VWA3B: variants seen among roughly 807,000 people sequenced by gnomAD.
The protein encoded by VWA3B is von Willebrand factor A domain-containing protein 3B.
A neutral mutation model predicts 158.3 loss-of-function variants in VWA3B; 138 were observed. The ratio of observed to expected loss-of-function variants is 0.87; its 90% CI spans 0.76 to 1.00. The LOEUF (loss-of-function observed/expected upper bound fraction) is 1.00. Ranked by LOEUF, VWA3B falls within the 50% of genes least tolerant of loss-of-function variation. The pLI, the probability that VWA3B is intolerant of heterozygous loss-of-function variation, is 0.00. For synonymous variants in VWA3B, 596 were observed against 587.3 expected, an observed-to-expected ratio of 1.01 and a Z score of -0.21; for missense variants, 1,555 against 1,565.1, an observed-to-expected ratio of 0.99 and a Z score of 0.11.
chr2:98,290,210 C>T (rs1689403765), intron 22 of VWA3B, among the ~76,000 whole-genome samples: 1 of 152,158 alleles, frequency 6.6e-6, no homozygotes, highest in African/African-American at 2.4e-5. Flanking sequence ...GGGAAGCAAG[C>T]ACATATTCAC....
chr2:98,328,096 C>T, the VWA3B span, among the ~76,000 whole-genome samples: 1 of 152,120 alleles, frequency 6.6e-6, no homozygotes. Flanking sequence ...TACAAGGGAC[C>T]TCACCTCTCA....
chr2:98,236,668 C>T lies in VWA3B; in HGVS notation c.2611C>T (p.Pro871Ser). The stretch of plus-strand genomic sequence containing the variant: ...GGATGCCTTGTCAGTGGCAGCAGTC[C>T]CGCACAGCTCCACCTATGTTCCCGT... Reference protein sequence around the residue: ...LMDALSVAAVPHSSTYVPVLD... With the variant: ...LMDALSVAAVSHSSTYVPVLD... The change falls in exon 19 of 28, where the codon CCG becomes TCG. Residue 871 changes from proline (P) to serine (S), a missense_variant. Coordinates refer to ENST00000477737, the MANE Select transcript of VWA3B (RefSeq NM_144992.5). 4 of 1,614,188 alleles carry T rather than the reference C, an allele frequency of 2.5e-6. No individual in the cohort carries two copies. The highest frequency in any genetic ancestry group is 2.5e-6 in the Non-Finnish European group (3 of 1,180,032).
At chr2:98,250,517 CTTT>C (rs370926569) in intron 20 of VWA3B, 81 bp downstream of exon 20, 1,089 of 872,762 alleles carry the variant, frequency 1.2e-3, no homozygotes, top group South Asian at 1.8e-3. Flanking sequence ...TTTAGCTTAG[CTTT>C]TTTTTTTTTT....
At chr2:98,199,517 C>T (rs558628722) in intron 12 of VWA3B, among the ~76,000 whole-genome samples, 18 of 152,248 alleles carry the variant, frequency 1.2e-4, no homozygotes, top group Admixed American at 6.5e-4. Flanking sequence ...CCCCAATTTC[C>T]GCAGGGTGAA....
chr2:98,118,969 G>A (rs1674740357), intron 3 of VWA3B, among the ~76,000 whole-genome samples: 1 of 152,214 alleles, frequency 6.6e-6, no homozygotes. Context: ...GGTAGCAGCA[G>A]TGAGTGATCA....
chr2:98,324,203 C>G, the VWA3B span, among the ~76,000 whole-genome samples: 1 of 151,820 alleles, frequency 6.6e-6, no homozygotes, highest in African/African-American at 2.4e-5. Flanking sequence ...TGCTCTGTCA[C>G]GTAGGTTGGA....
intron 14 of VWA3B, among the ~76,000 whole-genome samples, chr2:98,225,029 G>A (rs935821769): frequency 6.6e-5 from 10 of 152,160 alleles, no homozygotes; most frequent in Non-Finnish European, 1.3e-4. Context: ...CACCTCTATG[G>A]TTCAAGCAAT....
chr2:98,320,126 T>A, the VWA3B span, among the ~76,000 whole-genome samples: 4 of 152,130 alleles, frequency 2.6e-5, no homozygotes, highest in Admixed American at 2.6e-4. Context: ...GGCTGGTCTT[T>A]CCCATGCTAT....
intron 15 of VWA3B, chr2:98,228,793 GC>G (rs1225316380): frequency 2.0e-5 from 3 of 152,548 alleles, no homozygotes; most frequent in African/African-American, 4.8e-5. Context: ...TCTCCTGTCT[GC>G]CCCCATCCTA....
intron 8 of VWA3B, among the ~76,000 whole-genome samples, chr2:98,177,991 G>A (rs1680153364): frequency 1.3e-5 from 2 of 152,040 alleles, no homozygotes; most frequent in South Asian, 4.2e-4. Flanking sequence ...AAAAGGGAGA[G>A]GAGAAAAGGA....
chr2:98,119,656 G>C lies in VWA3B; in HGVS notation c.435G>C (p.Val145=), dbSNP rs1408296673. The C allele has an allele frequency of 5.0e-6, 8 of 1,614,014 alleles. No individual in the cohort carries two copies. Among genetic ancestry groups the C allele is most frequent in the Non-Finnish European group, 6.8e-6 (8 of 1,180,044 alleles). ...GVILEQCVTI[V]LDFGGILEGE... Reference sequence around the variant, plus strand: ...TCTTGGAACAGTGCGTCACCATAGTGCTGGATTTTGGCGGCATTCTGGAGG... The same window carrying C: ...TCTTGGAACAGTGCGTCACCATAGTCCTGGATTTTGGCGGCATTCTGGAGG... The change falls in exon 4 of 28, where the codon GTG becomes GTC. Residue 145 remains valine (V), a synonymous_variant. Transcript: ENST00000477737.
intron 1 of VWA3B, among the ~76,000 whole-genome samples, chr2:98,088,647 C>T (rs1682038468): frequency 6.6e-6 from 1 of 152,172 alleles, no homozygotes; most frequent in Non-Finnish European, 1.5e-5. Flanking sequence ...TTGTTTCCGA[C>T]TTCTGGGTTA....
At chr2:98,195,185 C>T (rs751353987) in intron 12 of VWA3B, among the ~76,000 whole-genome samples, 3 of 152,184 alleles carry the variant, frequency 2.0e-5, no homozygotes, top group Non-Finnish European at 2.9e-5. Context: ...TCGTGGTGCA[C>T]ACCTGTAGTC....
At chr2:98,294,081 C>T (rs1025674114) in intron 23 of VWA3B, among the ~76,000 whole-genome samples, 2 of 151,668 alleles carry the variant, frequency 1.3e-5, no homozygotes, top group African/African-American at 2.4e-5. Context: ...TAAGTGATGT[C>T]ATGGCCCTCT....
At chr2:98,316,109 CTTTGTT>C (rs1317514106), downstream of VWA3B, among the ~76,000 whole-genome samples, 3 of 152,262 alleles carry the variant, frequency 2.0e-5, no homozygotes, top group Non-Finnish European at 4.4e-5. Flanking sequence ...CAATATGTAA[CTTTGTT>C]TTTGTGTGTT....
intron 26 of VWA3B, among the ~76,000 whole-genome samples, chr2:98,310,365 A>G (rs1690810480): frequency 6.6e-6 from 1 of 152,170 alleles, no homozygotes; most frequent in East Asian, 1.9e-4. Flanking sequence ...AAGTGGAACC[A>G]GCACAGCGCC....
In VWA3B at chr2:98,218,035, G is replaced by C. The variant is rs1173466473; in HGVS notation, c.2019+7G>C. ...TCCCCCAGAGGCTGTTCAGGTAAGAGCTTGGTGGGCTAAGAAGGGAGTGTT... is the reference window on the plus strand; with the variant it reads ...TCCCCCAGAGGCTGTTCAGGTAAGACCTTGGTGGGCTAAGAAGGGAGTGTT... On this transcript the variant is annotated splice_region_variant and intron_variant, in intron 14 of 27. Coordinates refer to ENST00000477737, the MANE Select transcript of VWA3B (RefSeq NM_144992.5). The C allele has an allele frequency of 1.3e-6, 2 of 1,598,148 alleles. No homozygotes were observed. Among genetic ancestry groups the C allele is most frequent in the Non-Finnish European group, 1.7e-6 (2 of 1,174,168 alleles).
chr2:98,216,211 G>C (rs925960948), intron 13 of VWA3B, among the ~76,000 whole-genome samples: 1 of 152,224 alleles, frequency 6.6e-6, no homozygotes, highest in African/African-American at 2.4e-5. Context: ...AATTAAGTGG[G>C]TTCTAGAAAT....
At chr2:98,299,857 G>T (rs898379667) in intron 24 of VWA3B, among the ~76,000 whole-genome samples, 5 of 152,170 alleles carry the variant, frequency 3.3e-5, no homozygotes, top group Admixed American at 6.5e-5. Flanking sequence ...AGTTGGTGAA[G>T]TCCTACCAAA....
Sources: gnomAD v4.1 joint callset for allele counts (sites outside exome capture counted in the v4.1 genomes callset) on GRCh38, gnomAD v4.1.1 for gene constraint, MANE v1.5 for transcripts, NCBI Gene and HGNC (gene_info 2026-07-23, HGNC 2026-07-21) for gene names.